The following DPP6 variants were observed in gnomAD, a reference collection of about 807,000 sequenced individuals.
DPP6 encodes the protein dipeptidyl peptidase like 6, also known as A-type potassium channel modulatory protein DPP6.
Under a neutral mutation model 122.6 loss-of-function variants are expected in DPP6, and 69 were observed. The observed-to-expected ratio is 0.56, with a 90% CI of 0.46 to 0.69. The LOEUF (loss-of-function observed/expected upper bound fraction) is 0.69. DPP6 is among the 30% of genes least tolerant of loss of function. The pLI, the probability that DPP6 is intolerant of heterozygous loss-of-function variation, is 0.00. For missense variants in DPP6, 928 were observed against 1,116.9 expected, an observed-to-expected ratio of 0.83 and a Z score of 2.41; for synonymous variants, 418 against 433.1, an observed-to-expected ratio of 0.97 and a Z score of 0.43.
intron 4 of DPP6, among the ~76,000 whole-genome samples, chr7:154,565,576 A>G (rs769808795): frequency 6.6e-6 from 1 of 151,766 alleles, no homozygotes; most frequent in African/African-American, 2.4e-5. Context: ...CCCAGGCTGG[A>G]GTGCAATGGC....
At chr7:154,270,232 T>TACC (rs1207302667) in intron 1 of DPP6, among the ~76,000 whole-genome samples, 1 of 152,228 alleles carries the variant, frequency 6.6e-6, no homozygotes, top group Non-Finnish European at 1.5e-5. Flanking sequence ...AATGAAGTGT[T>TACC]ACCACCCGGT....
chr7:153,780,678 T>A, the DPP6 span, among the ~76,000 whole-genome samples: 1 of 152,100 alleles, frequency 6.6e-6, no homozygotes, highest in South Asian at 2.1e-4. Flanking sequence ...CCTGAGCATA[T>A]GGGGGTTGAA....
At chr7:154,567,004 A>C (rs1180064298) in intron 5 of DPP6, 88 bp downstream of exon 5, 24 of 958,510 alleles carry the variant, frequency 2.5e-5, no homozygotes, top group Non-Finnish European at 3.8e-5. Flanking sequence ...TTCTATACTT[A>C]GTGATCTTTG....
intron 1 of DPP6, among the ~76,000 whole-genome samples, chr7:154,357,158 A>G (rs971460731): frequency 3.3e-5 from 5 of 152,212 alleles, no homozygotes; most frequent in Admixed American, 1.3e-4. Flanking sequence ...CAAGAGGTTA[A>G]AGTAAAAAGA....
At chr7:154,389,676 T>G (rs1333039001) in intron 1 of DPP6, among the ~76,000 whole-genome samples, 1 of 152,122 alleles carries the variant, frequency 6.6e-6, no homozygotes, top group Non-Finnish European at 1.5e-5. Context: ...GATAATGTCT[T>G]GAAGATGTAC....
intron 7 of DPP6, among the ~76,000 whole-genome samples, chr7:154,722,310 G>T (rs1841858583): frequency 6.6e-6 from 1 of 152,246 alleles, no homozygotes; most frequent in Non-Finnish European, 1.5e-5. Flanking sequence ...CATCCTCTGT[G>T]CTCCCAGCAC....
intron 1 of DPP6, among the ~76,000 whole-genome samples, chr7:154,283,353 A>G (rs185381336): frequency 6.6e-6 from 1 of 152,330 alleles, no homozygotes; most frequent in East Asian, 1.9e-4. Context: ...GAGGATACAA[A>G]TGATCTACTT....
intron 1 of DPP6, among the ~76,000 whole-genome samples, chr7:154,358,431 G>A (rs539345510): frequency 9.9e-5 from 15 of 152,242 alleles, no homozygotes; most frequent in African/African-American, 1.4e-4. Context: ...CTGAAATGGC[G>A]GAGATGTGTC....
intron 1 of DPP6, among the ~76,000 whole-genome samples, chr7:153,967,736 T>A (rs1375818286): frequency 1.3e-5 from 2 of 152,130 alleles, no homozygotes; most frequent in African/African-American, 2.4e-5. Flanking sequence ...GAGATAGTTT[T>A]AATTCTCTTT....
chr7:154,664,641 C>T (rs1330810461), intron 6 of DPP6, among the ~76,000 whole-genome samples: 1 of 150,302 alleles, frequency 6.7e-6, no homozygotes, highest in African/African-American at 2.4e-5. Flanking sequence ...CTGTGCTGTG[C>T]TCCATATGGA....
At chr7:153,948,462 T>C (rs548108529) in intron 1 of DPP6, among the ~76,000 whole-genome samples, 4 of 152,052 alleles carry the variant, frequency 2.6e-5, no homozygotes, top group African/African-American at 9.6e-5. Flanking sequence ...CCCACACCGG[T>C]TCCCATGGAA....
intron 8 of DPP6, among the ~76,000 whole-genome samples, chr7:154,737,534 T>A (rs1163262397): frequency 6.6e-6 from 1 of 152,056 alleles, no homozygotes; most frequent in African/African-American, 2.4e-5. Context: ...GGTGGGAGGG[T>A]CTAGAGATGT....
At chr7:154,836,577 A>G (rs1247984331) in intron 16 of DPP6, among the ~76,000 whole-genome samples, 1 of 152,242 alleles carries the variant, frequency 6.6e-6, no homozygotes, top group Admixed American at 6.5e-5. Context: ...GGTGTTTTAC[A>G]TCATTAATTT....
chr7:154,740,982 T>A (rs1842793274), intron 8 of DPP6, among the ~76,000 whole-genome samples: 1 of 152,332 alleles, frequency 6.6e-6, no homozygotes, highest in Non-Finnish European at 1.5e-5. Flanking sequence ...CTATGGGTTA[T>A]CTTTGGGAAG....
At chr7:154,301,334 G>A (rs1164831046) in intron 1 of DPP6, among the ~76,000 whole-genome samples, 1 of 152,166 alleles carries the variant, frequency 6.6e-6, no homozygotes, top group Admixed American at 6.5e-5. Flanking sequence ...CGCTTGGAAA[G>A]GAGTGCAGTG....
At position 154,772,838 on chromosome 7, in the gene DPP6, TC is replaced by T; in HGVS notation, c.1039-3del. ...TGTTCATGTCTCTGCCCCTTTTTAA[TC>T]CCCAGGCTGGAAGTGAGAACCCCAG... On this transcript the variant is annotated splice_region_variant and splice_polypyrimidine_tract_variant and intron_variant, in intron 9 of 25. Transcript: ENST00000377770. 1 of 1,610,616 alleles carries T rather than the reference TC, an allele frequency of 6.2e-7. No individual in the cohort carries two copies. The highest frequency in any genetic ancestry group is 8.5e-7 in the Non-Finnish European group (1 of 1,178,804).
chr7:154,410,904 A>C (rs370733644), intron 1 of DPP6, among the ~76,000 whole-genome samples: 1 of 152,232 alleles, frequency 6.6e-6, no homozygotes, highest in Non-Finnish European at 1.5e-5. Flanking sequence ...AAAAAAGTAC[A>C]GTTTGGTTCC....
intron 8 of DPP6, among the ~76,000 whole-genome samples, chr7:154,730,403 A>G (rs892388891): frequency 2.6e-5 from 4 of 152,184 alleles, no homozygotes; most frequent in African/African-American, 9.7e-5. Flanking sequence ...CATGGGAAGA[A>G]TGCCCCAAAC....
rs894371760 is a variant in DPP6 at position 154,379,043 on chromosome 7, T to G, written c.244-67171T>G. Among the ~76,000 whole-genome samples, 3 of 152,302 alleles carry G rather than the reference T, an allele frequency of 2.0e-5. No individual in the cohort carries two copies. The East Asian group carries it at 5.8e-4, about 29-fold the overall frequency. Reference sequence around the variant, plus strand: ...GGTGGGAACACAGAGCCAAAACGATTCACCTCTCAAAGGCTCCACCTCCTA... The same window carrying G: ...GGTGGGAACACAGAGCCAAAACGATGCACCTCTCAAAGGCTCCACCTCCTA... On this transcript the variant is annotated intron_variant, in intron 1 of 25. Transcript: ENST00000377770.
Sources: allele counts gnomAD v4.1 joint callset (sites outside exome capture counted in the v4.1 genomes callset), GRCh38; gene constraint gnomAD v4.1.1; transcripts MANE v1.5; gene names NCBI Gene and HGNC (gene_info 2026-07-23, HGNC 2026-07-21).